LRP1B: variants seen among roughly 807,000 people sequenced by gnomAD.
LRP1B encodes LDL receptor related protein 1B, also known as low-density lipoprotein receptor-related protein 1B.
In LRP1B, 217 loss-of-function variants were observed where a neutral mutation model predicts 556.6. The ratio of observed to expected loss-of-function variants is 0.39; its 90% CI spans 0.35 to 0.44. The LOEUF (loss-of-function observed/expected upper bound fraction) is 0.44, where lower values mean the gene tolerates loss of function less well. LRP1B is among the 20% of genes least tolerant of loss of function. The probability of loss-of-function intolerance (pLI) is 1.00; values close to 1 mark genes in which losing one functional copy is unlikely to be tolerated. For missense variants in LRP1B, 5,053 were observed against 5,620.8 expected (o/e 0.90, Z 3.23); for synonymous variants, 2,047 against 1,865.8 (o/e 1.10, Z -2.50).
chr2:141,451,700 C>T (rs1681427989), intron 3 of LRP1B, among the ~76,000 whole-genome samples: 1 of 152,130 alleles, frequency 6.6e-6, no homozygotes, highest in Non-Finnish European at 1.5e-5. Context: ...CAATCCTTTT[C>T]TACTCTCTTA....
At chr2:140,524,300 T>G (rs956875102) in intron 49 of LRP1B, among the ~76,000 whole-genome samples, 1 of 151,786 alleles carries the variant, frequency 6.6e-6, no homozygotes, top group African/African-American at 2.4e-5. Context: ...CAGAATGCCT[T>G]TTGTTTAAAA....
Position 140,475,319 on chromosome 2 carries a change from G to A in LRP1B, c.9444C>T (p.Asp3148=), listed in dbSNP as rs1573980277. Residue 3148 remains aspartate (D), a synonymous_variant, in exon 60 of 91, where the codon GAC becomes GAT. Transcript: ENST00000389484. ...DPQAGYLYWI[D]CCEYPHIGRV... ...GGCCAATATGAGGATACTCGCAGCA[G>A]TCAATCCAATACAAATATCTAGGAA... 1 of 1,604,580 alleles carries A rather than the reference G, an allele frequency of 6.2e-7. No homozygotes were observed. Among genetic ancestry groups the A allele is most frequent in the Non-Finnish European group, 8.5e-7 (1 of 1,174,496 alleles).
chr2:140,920,175 T>A (rs1694695783), intron 21 of LRP1B, among the ~76,000 whole-genome samples: 1 of 152,018 alleles, frequency 6.6e-6, no homozygotes, highest in Non-Finnish European at 1.5e-5. Flanking sequence ...TCCCCACTTA[T>A]AATACAACTG....
intron 2 of LRP1B, among the ~76,000 whole-genome samples, chr2:141,756,861 T>C (rs894520979): frequency 6.6e-6 from 1 of 152,126 alleles, no homozygotes; most frequent in Non-Finnish European, 1.5e-5. Context: ...GTTTCCACAG[T>C]GATGAAATCA....
At chr2:140,456,664 T>A in intron 61 of LRP1B, 61 bp from the exon 62 acceptor site, 1 of 1,494,394 alleles carries the variant, frequency 6.7e-7, no homozygotes, top group Non-Finnish European at 9.1e-7. Flanking sequence ...TAATATAACA[T>A]GGGATTAGAG....
intron 59 of LRP1B, among the ~76,000 whole-genome samples, chr2:140,478,387 G>A (rs1272733089): frequency 6.6e-6 from 1 of 151,984 alleles, no homozygotes; most frequent in African/African-American, 2.4e-5. Flanking sequence ...CTGACCTTGT[G>A]ATCCGCCTGC....
chr2:141,387,902 TCAAA>T (rs1182663315), intron 3 of LRP1B, among the ~76,000 whole-genome samples: 3 of 151,274 alleles, frequency 2.0e-5, no homozygotes, highest in Admixed American at 1.3e-4. Flanking sequence ...CCAAAAACAA[TCAAA>T]CAAACAGAAA....
At chr2:141,354,878 A>T (rs1323747575) in intron 3 of LRP1B, among the ~76,000 whole-genome samples, 1 of 152,040 alleles carries the variant, frequency 6.6e-6, no homozygotes, top group African/African-American at 2.4e-5. Context: ...AGAAATGTTT[A>T]ATGAGAGTAC....
At position 141,019,842 on chromosome 2, in the gene LRP1B, TA is replaced by T. The variant is rs941710009; in HGVS notation, c.1970+79del. On this transcript the variant is annotated intron_variant, in intron 12 of 90. Transcript: ENST00000389484. ...AATCAGCTATACATATGGATTTAAATAAAACTATTATTAACTATGTAAGAAA... is the reference window on the plus strand; with the variant it reads ...AATCAGCTATACATATGGATTTAAATAAACTATTATTAACTATGTAAGAAA... 3.8e-5 allele frequency: 41 copies of T among 1,079,474 alleles called. No homozygotes were observed. The African/African-American group carries it at 6.2e-4, about 16-fold the overall frequency. The allele number at this position is 1,079,474 out of a possible 1,614,324, so 66.9% of individuals were successfully genotyped here.
intron 22 of LRP1B, among the ~76,000 whole-genome samples, chr2:140,905,467 C>T (rs1487029687): frequency 2.0e-5 from 3 of 152,068 alleles, no homozygotes; most frequent in East Asian, 3.9e-4. Flanking sequence ...TCTTCTACTA[C>T]CCAGAACTAC....
chr2:141,709,532 A>T (rs1418052373), intron 2 of LRP1B, among the ~76,000 whole-genome samples: 1 of 152,152 alleles, frequency 6.6e-6, no homozygotes, highest in Non-Finnish European at 1.5e-5. Flanking sequence ...TTAGACTCCA[A>T]GTTTTGAATT....
At position 141,607,565 on chromosome 2, in the gene LRP1B, C is replaced by T. The variant is rs183257856; in HGVS notation, c.206-127032G>A. On this transcript the variant is annotated intron_variant, in intron 2 of 90. Coordinates refer to ENST00000389484, the MANE Select transcript of LRP1B (RefSeq NM_018557.3). ...TTCCCATCCCTCTAAAACATTTGCA[C>T]TAGTGTCAACATATTGCCCCAAAGT... Among the ~76,000 whole-genome samples the T allele has an allele frequency of 1.7e-3, 253 of 152,268 alleles. 2 individuals carry two copies. The highest frequency in any genetic ancestry group is 5.4e-3 in the African/African-American group (226 of 41,560).
chr2:140,772,290 AATATAT>A (rs979012711), intron 33 of LRP1B, among the ~76,000 whole-genome samples: 2 of 149,160 alleles, frequency 1.3e-5, no homozygotes, highest in African/African-American at 4.9e-5. Flanking sequence ...ATAGATTTAT[AATATAT>A]ATATTTGTAT....
chr2:140,372,461 A>G (rs72896211), intron 69 of LRP1B, among the ~76,000 whole-genome samples: 5,650 of 152,198 alleles, frequency 0.037, 117 homozygotes, highest in South Asian at 0.066. Flanking sequence ...ATTAAAATAT[A>G]TAATTAAAAA....
chr2:140,536,209 G>A (rs922393387), intron 46 of LRP1B, among the ~76,000 whole-genome samples: 7 of 148,996 alleles, frequency 4.7e-5, no homozygotes, highest in Non-Finnish European at 8.9e-5. Context: ...TCACATTCAC[G>A]GAGTGCTGTT....
chr2:142,109,716 T>C (rs1239253589), intron 1 of LRP1B, among the ~76,000 whole-genome samples: 1 of 152,170 alleles, frequency 6.6e-6, no homozygotes, highest in African/African-American at 2.4e-5. Flanking sequence ...TGTACATATT[T>C]GTCTAAAATT....
At chr2:141,409,399 C>A (rs1690764195) in intron 3 of LRP1B, among the ~76,000 whole-genome samples, 1 of 151,968 alleles carries the variant, frequency 6.6e-6, no homozygotes, top group African/African-American at 2.4e-5. Context: ...AACAGAAAAC[C>A]AGTATCAGAG....
intron 2 of LRP1B, among the ~76,000 whole-genome samples, chr2:141,493,796 G>T (rs989752468): frequency 6.6e-6 from 1 of 152,118 alleles, no homozygotes; most frequent in African/African-American, 2.4e-5. Context: ...ACTGCATAGA[G>T]GAACTGTATT....
rs115080338 is a variant in LRP1B at position 141,684,895 on chromosome 2, A to G, written c.205+125384T>C. Reference sequence around the variant, plus strand: ...CTCCCAAAATTATACAGGGATGGAAAAGCCTAACACAACTGCTCAGGTACA... The same window carrying G: ...CTCCCAAAATTATACAGGGATGGAAGAGCCTAACACAACTGCTCAGGTACA... On this transcript the variant is annotated intron_variant, in intron 2 of 90. Transcript: ENST00000389484. Among the ~76,000 whole-genome samples the G allele has an allele frequency of 6.1e-3, 933 of 152,152 alleles. 14 individuals are homozygous for G. Among genetic ancestry groups the G allele is most frequent in the African/African-American group, 0.021 (892 of 41,536 alleles).
Sources: gnomAD v4.1 joint callset for allele counts (sites outside exome capture counted in the v4.1 genomes callset) on GRCh38, gnomAD v4.1.1 for gene constraint, MANE v1.5 for transcripts, NCBI Gene and HGNC (gene_info 2026-07-23, HGNC 2026-07-21) for gene names.